FAM222A: variants seen among roughly 807,000 people sequenced by gnomAD.
FAM222A encodes family with sequence similarity 222 member A.
FAM222A carries 7 observed loss-of-function variants against 25.8 expected under a neutral mutation model. The observed-to-expected ratio is 0.27, with a 90% CI of 0.15 to 0.51. The LOEUF (loss-of-function observed/expected upper bound fraction) is 0.51, where lower values mean the gene tolerates loss of function less well. Ranked by LOEUF, FAM222A falls within the 20% of genes least tolerant of loss-of-function variation. FAM222A has a pLI of 0.97. For synonymous variants in FAM222A, 294 were observed against 298.8 expected (o/e 0.98, Z 0.17); for missense variants, 573 against 640.5 (o/e 0.89, Z 1.14).
intron 2 of FAM222A, among the ~76,000 whole-genome samples, chr12:109,766,008 A>T (rs149695374): frequency 0.016 from 2,391 of 152,332 alleles, 28 homozygotes; most frequent in Non-Finnish European, 0.025. Flanking sequence ...GAGGAAGCAG[A>T]GGCCGAGTGG....
At chr12:109,717,744 T>C (rs1401646298) in intron 1 of FAM222A, among the ~76,000 whole-genome samples, 1 of 152,154 alleles carries the variant, frequency 6.6e-6, no homozygotes, top group East Asian at 1.9e-4. Context: ...GCCACCTCGG[T>C]TCTGGGGGCA....
At chr12:109,750,128 T>G (rs1888521847) in intron 2 of FAM222A, among the ~76,000 whole-genome samples, 1 of 152,228 alleles carries the variant, frequency 6.6e-6, no homozygotes. Context: ...CTGTGTGATT[T>G]GTGTTCTCTG....
intron 2 of FAM222A, among the ~76,000 whole-genome samples, chr12:109,762,979 G>A (rs578180446): frequency 6.6e-6 from 1 of 152,352 alleles, no homozygotes; most frequent in Admixed American, 6.5e-5. Context: ...GAGGGACTGG[G>A]GCTCAGGGCC....
intron 1 of FAM222A, among the ~76,000 whole-genome samples, chr12:109,727,667 G>A (rs1430415685): frequency 6.6e-6 from 1 of 152,194 alleles, no homozygotes; most frequent in Admixed American, 6.5e-5. Context: ...TGGTCATGGG[G>A]TGGGGATGTG....
intron 1 of FAM222A, among the ~76,000 whole-genome samples, chr12:109,715,136 A>G (rs1592773993): frequency 6.6e-6 from 1 of 152,208 alleles, no homozygotes; most frequent in East Asian, 1.9e-4. Flanking sequence ...GCCAGAGAGG[A>G]AAGGTCACCC....
chr12:109,749,448 A>G lies in FAM222A; in HGVS notation c.82+5220A>G, dbSNP rs1888498117. On this transcript the variant is annotated intron_variant, in intron 2 of 2. Coordinates refer to ENST00000538780, the MANE Select transcript of FAM222A (RefSeq NM_032829.3). ...GGTGGTGGTAGTGTTTTTTATGATC[A>G]GAGAATCTTGTCTACTATTTCTACT... Among the ~76,000 whole-genome samples the G allele has an allele frequency of 2.0e-5, 3 of 152,154 alleles. No homozygotes were observed. In the East Asian group the frequency reaches 5.8e-4, roughly 29 times the overall value.
intron 1 of FAM222A, among the ~76,000 whole-genome samples, chr12:109,719,332 G>A (rs187015050): frequency 6.6e-6 from 1 of 152,210 alleles, no homozygotes; most frequent in African/African-American, 2.4e-5. Flanking sequence ...AGAAGTATGA[G>A]GTTCATTGGC....
At chr12:109,758,308 G>A (rs1888793133) in intron 2 of FAM222A, among the ~76,000 whole-genome samples, 1 of 152,208 alleles carries the variant, frequency 6.6e-6, no homozygotes, top group East Asian at 1.9e-4. Flanking sequence ...AGCCCAGAAA[G>A]AGCTAAAAGG....
At chr12:109,762,840 C>T (rs1888937626) in intron 2 of FAM222A, among the ~76,000 whole-genome samples, 1 of 152,200 alleles carries the variant, frequency 6.6e-6, no homozygotes, top group South Asian at 2.1e-4. Context: ...CCAGGGGCCA[C>T]CGGAGCACTG....
chr12:109,755,580 G>A (rs545636584), intron 2 of FAM222A, among the ~76,000 whole-genome samples: 6 of 152,056 alleles, frequency 3.9e-5, no homozygotes, highest in South Asian at 2.1e-4. Flanking sequence ...AGCCCGCCTC[G>A]GCCTCCCAAA....
At chr12:109,724,688 G>A (rs1303902356) in intron 1 of FAM222A, among the ~76,000 whole-genome samples, 1 of 152,168 alleles carries the variant, frequency 6.6e-6, no homozygotes, top group East Asian at 1.9e-4. Context: ...CTGTGCCTCA[G>A]TTTCTTCCTC....
chr12:109,755,287 C>CTTTTTTTTTTTTTTTTTT (rs540689300), intron 2 of FAM222A, among the ~76,000 whole-genome samples: 3 of 49,384 alleles, frequency 6.1e-5, no homozygotes, highest in South Asian at 9.8e-4. Flanking sequence ...TGTAATTCTT[C>CTTTTTTTTTTTTTTTTTT]TTTTTTTTTT....
chr12:109,760,411 C>G (rs1329268463), intron 2 of FAM222A, among the ~76,000 whole-genome samples: 1 of 152,198 alleles, frequency 6.6e-6, no homozygotes, highest in Admixed American at 6.5e-5. Flanking sequence ...AGTACCAACG[C>G]TGCCCAGTGA....
At chr12:109,720,464 A>G (rs1887727408) in intron 1 of FAM222A, among the ~76,000 whole-genome samples, 1 of 152,230 alleles carries the variant, frequency 6.6e-6, no homozygotes, top group Admixed American at 6.5e-5. Flanking sequence ...CAGAGGTGGC[A>G]GGGCCTCCTG....
At chr12:109,721,557 G>A (rs1887746271) in intron 1 of FAM222A, among the ~76,000 whole-genome samples, 1 of 152,220 alleles carries the variant, frequency 6.6e-6, no homozygotes, top group Non-Finnish European at 1.5e-5. Flanking sequence ...TCAATCAGCA[G>A]GGCCTGTGAG....
intron 2 of FAM222A, among the ~76,000 whole-genome samples, chr12:109,766,486 CAAG>C (rs893263909): frequency 2.6e-5 from 4 of 152,254 alleles, no homozygotes; most frequent in African/African-American, 4.8e-5. Context: ...ACAGTAGACT[CAAG>C]GAGGGGCCAG....
In FAM222A at chr12:109,768,306, T is replaced by C. The variant is rs749910057; in HGVS notation, c.377T>C (p.Leu126Pro). 3.7e-6 allele frequency: 6 copies of C among 1,606,430 alleles called. No homozygotes were observed. The highest frequency in any genetic ancestry group is 4.2e-6 in the Non-Finnish European group (5 of 1,177,500). The change falls in exon 3 of 3, where the codon CTC becomes CCC. Residue 126 changes from leucine (L) to proline (P), a missense_variant. Coordinates refer to ENST00000538780, the MANE Select transcript of FAM222A (RefSeq NM_032829.3). ...CCAGCTGGGCCCGCCAAAAGTGTGCTCAAGAGCGCCGAGGGCAAGCGGACC... is the reference window on the plus strand; with the variant it reads ...CCAGCTGGGCCCGCCAAAAGTGTGCCCAAGAGCGCCGAGGGCAAGCGGACC... ...AAPAGPAKSV[L>P]KSAEGKRTKL...
rs59140628 is a variant in FAM222A at position 109,764,222 on chromosome 12, C to CAAA, written c.83-3777_83-3775dup. On this transcript the variant is annotated intron_variant, in intron 2 of 2. Transcript: ENST00000538780. Reference sequence around the variant, plus strand: ...TCTACCCTGAGTAAGACCCTGTCTTCAAAAAAAAAAAAAAAGCCATGGCCC... The same window carrying CAAA: ...TCTACCCTGAGTAAGACCCTGTCTTCAAAAAAAAAAAAAAAAAAGCCATGGCCC... 1.0e-3 allele frequency among the ~76,000 whole-genome samples: 94 copies of CAAA among 91,732 alleles called. 2 individuals carry two copies. Among genetic ancestry groups the CAAA allele is most frequent in the African/African-American group, 3.5e-3 (77 of 22,122 alleles). The allele number at this position is 91,732 out of a possible 152,430, so 60.2% of individuals were successfully genotyped here.
chr12:109,722,077 A>AT (rs1328110881), intron 1 of FAM222A, among the ~76,000 whole-genome samples: 5 of 152,204 alleles, frequency 3.3e-5, no homozygotes, highest in East Asian at 3.9e-4. Context: ...AAAAGATGTC[A>AT]TTTTTTTGGA....
Sources: allele counts gnomAD v4.1 joint callset (sites outside exome capture counted in the v4.1 genomes callset), GRCh38; gene constraint gnomAD v4.1.1; transcripts MANE v1.5; gene names NCBI Gene and HGNC (gene_info 2026-07-23, HGNC 2026-07-21).